The following CHODL variants were observed in gnomAD, a reference collection of about 807,000 sequenced individuals.
The protein encoded by CHODL is transmembrane protein MT75.
CHODL carries 29 observed loss-of-function variants against 34.5 expected under a neutral mutation model. The observed-to-expected ratio is 0.84, with a 90% CI of 0.63 to 1.15. The LOEUF (loss-of-function observed/expected upper bound fraction) is 1.15, where lower values mean the gene tolerates loss of function less well. Ranked by LOEUF, CHODL falls within the 50% of genes most tolerant of loss-of-function variation. The probability of loss-of-function intolerance (pLI) is 0.00; values close to 1 mark genes in which losing one functional copy is unlikely to be tolerated. For synonymous variants in CHODL, 125 were observed against 116.1 expected, an observed-to-expected ratio of 1.08 and a Z score of -0.49; for missense variants, 332 against 332.5, an observed-to-expected ratio of 1.00 and a Z score of 0.01.
chr21:18,246,826 T>C (rs2074147617), intron 1 of CHODL, among the ~76,000 whole-genome samples: 1 of 152,016 alleles, frequency 6.6e-6, no homozygotes, highest in African/African-American at 2.4e-5. Context: ...GTTGAAGAGG[T>C]GTATTTTGCG....
chr21:17,936,607 T>G (rs985552367), intron 1 of CHODL, among the ~76,000 whole-genome samples: 3 of 152,176 alleles, frequency 2.0e-5, no homozygotes, highest in Non-Finnish European at 2.9e-5. Context: ...TGGCTATACA[T>G]TTGCATACTT....
intron 2 of CHODL, among the ~76,000 whole-genome samples, chr21:18,193,990 T>A (rs2073550379): frequency 6.6e-6 from 1 of 152,072 alleles, no homozygotes. Context: ...TGCCATTTAG[T>A]AGAGCAAGTC....
At chr21:18,195,940 G>T (rs947730606) in intron 2 of CHODL, among the ~76,000 whole-genome samples, 2 of 152,154 alleles carry the variant, frequency 1.3e-5, no homozygotes, top group Non-Finnish European at 2.9e-5. Context: ...TGAGGAGAAG[G>T]TCAGAGGCAT....
intron 1 of CHODL, among the ~76,000 whole-genome samples, chr21:17,925,196 G>T (rs564103583): frequency 6.6e-6 from 1 of 152,260 alleles, no homozygotes; most frequent in Non-Finnish European, 1.5e-5. Context: ...CACCTGATGC[G>T]ACCTCTAGTG....
chr21:18,050,619 C>G (rs1001428171), intron 2 of CHODL, among the ~76,000 whole-genome samples: 4 of 151,860 alleles, frequency 2.6e-5, no homozygotes, highest in African/African-American at 9.7e-5. Context: ...AGAATAGAAC[C>G]AACGATGACT....
intron 1 of CHODL, among the ~76,000 whole-genome samples, chr21:18,018,238 G>T (rs1253262086): frequency 6.6e-6 from 1 of 152,160 alleles, no homozygotes; most frequent in African/African-American, 2.4e-5. Context: ...GGGGACTATT[G>T]GGAAGGTATG....
At chr21:18,189,862 T>C (rs2073490899) in intron 2 of CHODL, among the ~76,000 whole-genome samples, 1 of 152,086 alleles carries the variant, frequency 6.6e-6, no homozygotes, top group Admixed American at 6.6e-5. Flanking sequence ...CTTGAACTTG[T>C]GACCTCAGAA....
At chr21:18,166,957 T>G (rs1196522316) in intron 2 of CHODL, among the ~76,000 whole-genome samples, 1 of 152,176 alleles carries the variant, frequency 6.6e-6, no homozygotes, top group African/African-American at 2.4e-5. Context: ...TGAAAATATT[T>G]AAGCCTAGTA....
chr21:18,067,420 T>C (rs970840212), intron 2 of CHODL, among the ~76,000 whole-genome samples: 2 of 152,134 alleles, frequency 1.3e-5, no homozygotes, highest in Non-Finnish European at 2.9e-5. Flanking sequence ...AAGAATGTCA[T>C]GTGAAGATAA....
chr21:18,172,824 A>G (rs962546839), intron 2 of CHODL, among the ~76,000 whole-genome samples: 2 of 152,160 alleles, frequency 1.3e-5, no homozygotes, highest in Non-Finnish European at 2.9e-5. Flanking sequence ...AAGGTCAGAA[A>G]TGTGAGTACT....
chr21:18,070,079 T>C (rs2064784740), intron 2 of CHODL, among the ~76,000 whole-genome samples: 1 of 143,026 alleles, frequency 7.0e-6, no homozygotes, highest in Admixed American at 7.0e-5. Flanking sequence ...TGTTCTTTTC[T>C]TTTCTTTCGT....
intron 1 of CHODL, among the ~76,000 whole-genome samples, chr21:17,957,807 C>T (rs2824575): frequency 0.25 from 38,483 of 151,284 alleles, 5,663 homozygotes; most frequent in South Asian, 0.44. Flanking sequence ...CAAGAGGTAT[C>T]GGAGTCCTAA....
chr21:17,955,886 A>T (rs1021269096), intron 1 of CHODL, among the ~76,000 whole-genome samples: 2 of 136,718 alleles, frequency 1.5e-5, no homozygotes, highest in Admixed American at 7.2e-5. Flanking sequence ...TGTTTTGAGG[A>T]TTAAACAAGG....
intron 1 of CHODL, among the ~76,000 whole-genome samples, chr21:18,255,840 C>T (rs2074308827): frequency 6.6e-6 from 1 of 151,918 alleles, no homozygotes; most frequent in African/African-American, 2.4e-5. Flanking sequence ...ACAATATCTC[C>T]CCAAAGACCC....
chr21:18,137,551 G>A (rs993966604), intron 2 of CHODL, among the ~76,000 whole-genome samples: 5 of 152,064 alleles, frequency 3.3e-5, no homozygotes, highest in Non-Finnish European at 5.9e-5. Context: ...AGATTCTTTA[G>A]TCTGCAGAGC....
At chr21:18,123,086 A>G (rs1199172548) in intron 2 of CHODL, among the ~76,000 whole-genome samples, 2 of 152,242 alleles carry the variant, frequency 1.3e-5, no homozygotes, top group East Asian at 3.8e-4. Flanking sequence ...TCTTTCATGC[A>G]CAAGACTGCT....
At chr21:17,917,735 C>T (rs1274182517) in intron 1 of CHODL, among the ~76,000 whole-genome samples, 6 of 152,134 alleles carry the variant, frequency 3.9e-5, no homozygotes, top group Non-Finnish European at 8.8e-5. Context: ...ATGTGGTTCA[C>T]AAATGTCTAT....
intron 2 of CHODL, among the ~76,000 whole-genome samples, chr21:18,160,307 G>C (rs1470517015): frequency 6.6e-6 from 1 of 152,110 alleles, no homozygotes. Flanking sequence ...GGGGGTAAAA[G>C]AGTATTATTC....
At chr21:17,944,730 G>C (rs893037267) in intron 1 of CHODL, among the ~76,000 whole-genome samples, 2 of 152,164 alleles carry the variant, frequency 1.3e-5, no homozygotes, top group Non-Finnish European at 2.9e-5. Flanking sequence ...GCTAGAGATC[G>C]CATAACAAGC....
Sources: gnomAD v4.1 joint callset for allele counts (sites outside exome capture counted in the v4.1 genomes callset) on GRCh38, gnomAD v4.1.1 for gene constraint, MANE v1.5 for transcripts, NCBI Gene and HGNC (gene_info 2026-07-23, HGNC 2026-07-21) for gene names.